MACROD2: variants seen among roughly 807,000 people sequenced by gnomAD.
MACROD2 encodes the protein ADP-ribose glycohydrolase MACROD2.
MACROD2 carries 36 observed loss-of-function variants against 70.4 expected under a neutral mutation model. The ratio of observed to expected loss-of-function variants is 0.51; its 90% CI spans 0.39 to 0.68. The LOEUF (loss-of-function observed/expected upper bound fraction) is 0.68, where lower values mean the gene tolerates loss of function less well. Among genes scored for constraint, MACROD2 ranks in the 30% least tolerant of loss-of-function variants. MACROD2 has a pLI of 0.00. For missense variants in MACROD2, 496 were observed against 538.4 expected, an observed-to-expected ratio of 0.92 and a Z score of 0.78; for synonymous variants, 172 against 178.8, an observed-to-expected ratio of 0.96 and a Z score of 0.30.
chr20:15,230,441 T>C (rs1167186407), intron 6 of MACROD2, among the ~76,000 whole-genome samples: 1 of 152,186 alleles, frequency 6.6e-6, no homozygotes, highest in Non-Finnish European at 1.5e-5. Flanking sequence ...ATTGGTTGTA[T>C]GCTTGTGCAT....
chr20:14,891,589 A>G (rs559171864), intron 5 of MACROD2, among the ~76,000 whole-genome samples: 3 of 152,296 alleles, frequency 2.0e-5, no homozygotes, highest in East Asian at 3.9e-4. Flanking sequence ...TTCATTTTCT[A>G]TGCTCATTCT....
intron 5 of MACROD2, among the ~76,000 whole-genome samples, chr20:15,128,279 A>G (rs1365095520): frequency 6.6e-6 from 1 of 152,130 alleles, no homozygotes; most frequent in Non-Finnish European, 1.5e-5. Context: ...AAGTCCTACC[A>G]TATGATGGCT....
intron 5 of MACROD2, among the ~76,000 whole-genome samples, chr20:14,831,464 C>G (rs1206653820): frequency 1.3e-5 from 2 of 151,924 alleles, no homozygotes; most frequent in Admixed American, 1.3e-4. Context: ...CTCCTGCCTA[C>G]CTTATCCCTC....
chr20:15,690,899 C>A (rs189511890), intron 8 of MACROD2, among the ~76,000 whole-genome samples: 2 of 152,130 alleles, frequency 1.3e-5, no homozygotes, highest in African/African-American at 4.8e-5. Flanking sequence ...CTTTTTTGTC[C>A]TTGCAGCCAT....
chr20:14,406,500 T>C (rs1011106881), intron 3 of MACROD2, among the ~76,000 whole-genome samples: 1 of 152,112 alleles, frequency 6.6e-6, no homozygotes, highest in Non-Finnish European at 1.5e-5. Flanking sequence ...TGTATCAATA[T>C]TGTAAGCTAT....
At chr20:15,267,475 T>C (rs1348436193) in intron 6 of MACROD2, among the ~76,000 whole-genome samples, 1 of 152,098 alleles carries the variant, frequency 6.6e-6, no homozygotes, top group African/African-American at 2.4e-5. Context: ...GCTCAAAACC[T>C]TTGTCTCCCC....
intron 10 of MACROD2, among the ~76,000 whole-genome samples, chr20:15,890,525 T>C (rs999451944): frequency 6.6e-6 from 1 of 152,200 alleles, no homozygotes; most frequent in African/African-American, 2.4e-5. Flanking sequence ...TTTCTGTTTT[T>C]GCTGAACCCA....
chr20:15,676,388 G>GA (rs1457017850), intron 8 of MACROD2, among the ~76,000 whole-genome samples: 47 of 152,196 alleles, frequency 3.1e-4, no homozygotes, highest in Non-Finnish European at 4.4e-4. Flanking sequence ...TTTCTAGCAA[G>GA]CTAGATTAAT....
chr20:14,537,167 G>A, intron 4 of MACROD2, among the ~76,000 whole-genome samples: 1 of 152,132 alleles, frequency 6.6e-6, no homozygotes, highest in East Asian at 1.9e-4. Context: ...GCTCATATGA[G>A]ATCTATGTTG....
intron 8 of MACROD2, among the ~76,000 whole-genome samples, chr20:15,844,771 T>C (rs949447796): frequency 2.0e-5 from 3 of 152,122 alleles, no homozygotes; most frequent in African/African-American, 7.2e-5. Flanking sequence ...GTCGGCTCTA[T>C]ATTTGATACA....
chr20:15,804,196 G>C (rs1350011344), intron 8 of MACROD2, among the ~76,000 whole-genome samples: 1 of 152,154 alleles, frequency 6.6e-6, no homozygotes, highest in East Asian at 1.9e-4. Flanking sequence ...GTTGGCATTT[G>C]ATACATGGAG....
At chr20:14,167,638 C>T (rs746161094) in intron 3 of MACROD2, among the ~76,000 whole-genome samples, 2 of 152,074 alleles carry the variant, frequency 1.3e-5, no homozygotes, top group African/African-American at 2.4e-5. Context: ...GATCCACCCA[C>T]CTCGGCCTCC....
intron 3 of MACROD2, among the ~76,000 whole-genome samples, chr20:14,433,473 CAAAT>C (rs1411041136): frequency 6.6e-6 from 1 of 152,002 alleles, no homozygotes; most frequent in Non-Finnish European, 1.5e-5. Context: ...ACAAAGTGGA[CAAAT>C]AAATGATTTT....
chr20:15,801,426 G>A (rs1374787773), intron 8 of MACROD2, among the ~76,000 whole-genome samples: 1 of 150,774 alleles, frequency 6.6e-6, no homozygotes, highest in African/African-American at 2.4e-5. Flanking sequence ...CTGGGGTCCT[G>A]AAACTAAGGC....
At chr20:15,128,079 A>G (rs1255886274) in intron 5 of MACROD2, among the ~76,000 whole-genome samples, 3 of 152,078 alleles carry the variant, frequency 2.0e-5, no homozygotes, top group Admixed American at 6.6e-5. Flanking sequence ...TCACCTACTC[A>G]CCGTATCTTT....
intron 6 of MACROD2, among the ~76,000 whole-genome samples, chr20:15,387,371 T>C (rs1208205937): frequency 5.2e-5 from 3 of 58,038 alleles, no homozygotes; most frequent in African/African-American, 1.6e-4. Flanking sequence ...TCTCCCTTTC[T>C]TCCCTCTCTT....
At chr20:14,327,192 A>G (rs778837234) in intron 3 of MACROD2, 6 of 1,613,702 alleles carry the variant, frequency 3.7e-6, no homozygotes, top group Non-Finnish European at 2.5e-6. Flanking sequence ...ACTCTTTTAC[A>G]TACTTTGGGA....
rs113487627 is a variant in MACROD2, at chr20:14,614,398, A to G, written c.302-70445A>G. On this transcript the variant is annotated intron_variant, in intron 4 of 17. Transcript: ENST00000684519. ...GGAGTTGGTGCTCACCTCACCCATT[A>G]AATCAGAATCTTTGGGGGTGGGGCC... Among the ~76,000 whole-genome samples, 180 of 152,192 alleles carry G rather than the reference A, an allele frequency of 1.2e-3. 1 individual carries two copies. The highest frequency in any genetic ancestry group is 4.1e-3 in the African/African-American group (172 of 41,538).
intron 4 of MACROD2, among the ~76,000 whole-genome samples, chr20:14,560,195 C>T (rs1979330292): frequency 6.6e-6 from 1 of 151,692 alleles, no homozygotes; most frequent in Non-Finnish European, 1.5e-5. Context: ...ATTAGGATTT[C>T]ATTAAAAAGA....
Sources: gnomAD v4.1 joint callset for allele counts (sites outside exome capture counted in the v4.1 genomes callset) on GRCh38, gnomAD v4.1.1 for gene constraint, MANE v1.5 for transcripts, NCBI Gene and HGNC (gene_info 2026-07-23, HGNC 2026-07-21) for gene names.